Variants in PCDHA1 observed in about 807,000 individuals in gnomAD.
PCDHA1 encodes the protein protocadherin alpha 1, also known as protocadherin alpha-1.
Under a neutral mutation model 61.3 loss-of-function variants are expected in PCDHA1, and 42 were observed. The ratio of observed to expected loss-of-function variants is 0.69; its 90% confidence interval spans 0.54 to 0.89. PCDHA1 has a LOEUF of 0.89. PCDHA1 is among the 40% of genes least tolerant of loss of function. The pLI is 0.00. For synonymous variants in PCDHA1, 610 were observed against 553.8 expected (o/e 1.10, Z -1.43); for missense variants, 1,256 against 1,235.3 (o/e 1.02, Z -0.25).
At chr5:140,916,186 G>A (rs1321442931) in intron 1 of PCDHA1, among the ~76,000 whole-genome samples, 3 of 152,160 alleles carry the variant, frequency 2.0e-5, no homozygotes, top group Admixed American at 6.5e-5. Flanking sequence ...CTTCAAGGAA[G>A]TGGGCACCCC....
At chr5:140,795,664 GA>G in intron 1 of PCDHA1, 1 of 1,614,126 alleles carries the variant, frequency 6.2e-7, no homozygotes, top group Non-Finnish European at 8.5e-7. Flanking sequence ...TAAGGTATTA[GA>G]TGTAAATGAC....
At chr5:140,800,398 C>A (rs1297810590) in intron 1 of PCDHA1, among the ~76,000 whole-genome samples, 1 of 152,046 alleles carries the variant, frequency 6.6e-6, no homozygotes, top group Non-Finnish European at 1.5e-5. Flanking sequence ...ATTTAAAAAA[C>A]CATAAATGTA....
intron 1 of PCDHA1, chr5:140,843,142 T>G (rs1778605767): frequency 6.3e-7 from 1 of 1,595,790 alleles, no homozygotes; most frequent in East Asian, 2.2e-5. Context: ...ACGCGTGGCT[T>G]TCGTATGAGC....
At chr5:140,864,245 T>C (rs1189962615) in intron 1 of PCDHA1, 1 of 152,208 alleles carries the variant, frequency 6.6e-6, no homozygotes, top group Non-Finnish European at 1.5e-5. Flanking sequence ...TTCCTATTCA[T>C]TTTCTTATTC....
At chr5:141,009,118 C>G (rs2098400274) in intron 3 of PCDHA1, among the ~76,000 whole-genome samples, 1 of 152,182 alleles carries the variant, frequency 6.6e-6, no homozygotes, top group Non-Finnish European at 1.5e-5. Flanking sequence ...AAACTAGATT[C>G]TTGGTATCCT....
intron 1 of PCDHA1, chr5:140,803,775 G>A (rs868977424): frequency 9.8e-7 from 1 of 1,017,848 alleles, no homozygotes; most frequent in South Asian, 1.7e-5. Flanking sequence ...AACCAAATCA[G>A]CAGTAAGTTA....
chr5:140,889,034 T>A (rs1554183750), intron 1 of PCDHA1, among the ~76,000 whole-genome samples: 4 of 152,080 alleles, frequency 2.6e-5, no homozygotes, highest in Non-Finnish European at 5.9e-5. Flanking sequence ...TAACCGTAAT[T>A]TGATTATAAT....
chr5:140,980,015 G>A (rs1164072132), intron 2 of PCDHA1, among the ~76,000 whole-genome samples: 2 of 152,192 alleles, frequency 1.3e-5, no homozygotes, highest in East Asian at 3.9e-4. Flanking sequence ...CATTACAAAT[G>A]AGCAGAAATC....
chr5:140,920,116 C>A (rs376109883), intron 1 of PCDHA1, among the ~76,000 whole-genome samples: 72 of 152,304 alleles, frequency 4.7e-4, no homozygotes, highest in African/African-American at 1.6e-3. Context: ...ACCTTGCCAA[C>A]ATCTTGAGTT....
At position 140,803,078 on chromosome 5, in the gene PCDHA1, C is replaced by G. The variant is rs781941927; in HGVS notation, c.2394+14394C>G. ...GCATCCCGTTTCGCGTGGGGCTGTA[C>G]ACGGGAGAGATCAGCACGACCCGTG... On this transcript the variant is annotated intron_variant, in intron 1 of 3. Transcript: ENST00000504120. The G allele has an allele frequency of 3.1e-6, 5 of 1,613,930 alleles. No homozygotes were observed. In the Admixed American group the frequency reaches 8.3e-5, roughly 27 times the overall value.
chr5:140,850,957 C>T (rs2150503952), intron 1 of PCDHA1: 2 of 1,481,512 alleles, frequency 1.3e-6, no homozygotes, highest in Non-Finnish European at 9.0e-7. Context: ...CGATTACTCC[C>T]AGGGGCCGTT....
chr5:140,857,501 G>T, intron 1 of PCDHA1: 1 of 1,598,358 alleles, frequency 6.3e-7, no homozygotes. Context: ...GGACGCGCAG[G>T]AGAACGCCCT....
intron 1 of PCDHA1, among the ~76,000 whole-genome samples, chr5:140,939,903 C>A (rs782506444): frequency 3.9e-4 from 60 of 152,166 alleles, no homozygotes; most frequent in Non-Finnish European, 5.9e-4. Flanking sequence ...ATTCTGCATT[C>A]TTTTTTATTC....
At chr5:140,858,318 G>A (rs1441459097) in intron 1 of PCDHA1, 1 of 1,596,952 alleles carries the variant, frequency 6.3e-7, no homozygotes, top group African/African-American at 1.3e-5. Flanking sequence ...CAGAGGGTGT[G>A]TTCTGGGGAG....
At position 140,795,125 on chromosome 5, in the gene PCDHA1, T is replaced by C. The variant is rs781951515; in HGVS notation, c.2394+6441T>C. 5.6e-6 allele frequency: 9 copies of C among 1,614,032 alleles called. No homozygotes were observed. In the Admixed American group the frequency reaches 1.5e-4, roughly 27 times the overall value. On this transcript the variant is annotated intron_variant, in intron 1 of 3. Transcript: ENST00000504120. ...GGCCGCATCGCGCAGGACCTGGGGCTGGAGCTGGAGGAGCTGGTGCCGCGC... is the reference window on the plus strand; with the variant it reads ...GGCCGCATCGCGCAGGACCTGGGGCCGGAGCTGGAGGAGCTGGTGCCGCGC...
rs782009767 is a variant in PCDHA1, at chr5:140,830,181, A to T, written c.2394+41497A>T. On this transcript the variant is annotated intron_variant, in intron 1 of 3. Coordinates refer to ENST00000504120, the MANE Select transcript of PCDHA1 (RefSeq NM_018900.4). ...CCAGAGGCGGCGCTGGTGGATGTCA[A>T]CGTGTACCTGATCATCGCCATCTGC... 7 of 1,613,474 alleles carry T rather than the reference A, an allele frequency of 4.3e-6. No individual in the cohort carries two copies. In the Admixed American group the frequency reaches 1.0e-4, roughly 23 times the overall value.
At chr5:140,834,306 T>G in intron 1 of PCDHA1, 1 of 1,335,582 alleles carries the variant, frequency 7.5e-7, no homozygotes, top group Non-Finnish European at 1.0e-6. Context: ...ACATCGAGAT[T>G]GAAATGAAGG....
Position 140,802,687 on chromosome 5 carries a change from G to C in PCDHA1, c.2394+14003G>C, listed in dbSNP as rs1435507405. On this transcript the variant is annotated intron_variant, in intron 1 of 3. Transcript: ENST00000504120. ...CTGGTGTCCTACTCGCTGGTGGAACGGCGGGTGGGGGAGCGCGCGCTGTCG... is the reference window on the plus strand; with the variant it reads ...CTGGTGTCCTACTCGCTGGTGGAACCGCGGGTGGGGGAGCGCGCGCTGTCG... 1.9e-6 allele frequency: 3 copies of C among 1,613,008 alleles called. No individual in the cohort carries two copies. The South Asian group carries it at 3.3e-5, about 18-fold the overall frequency.
intron 1 of PCDHA1, chr5:140,804,382 A>C (rs782019583): frequency 2.0e-5 from 3 of 152,024 alleles, no homozygotes; most frequent in Non-Finnish European, 4.4e-5. Context: ...TATCAATATG[A>C]AGTGAAAATT....
Sources: allele counts gnomAD v4.1 joint callset (sites outside exome capture counted in the v4.1 genomes callset), GRCh38; gene constraint gnomAD v4.1.1; transcripts MANE v1.5; gene names NCBI Gene and HGNC (gene_info 2026-07-23, HGNC 2026-07-21).